Variants in PTPRD observed in about 807,000 individuals in gnomAD.
PTPRD encodes protein tyrosine phosphatase receptor type D, also known as receptor-type tyrosine-protein phosphatase delta.
Under a neutral mutation model 214.5 loss-of-function variants are expected in PTPRD, and 34 were observed. That is an observed-to-expected ratio of 0.16 (90% confidence interval 0.12 to 0.21). The LOEUF (loss-of-function observed/expected upper bound fraction) is 0.21. Among genes scored for constraint, PTPRD ranks in the 10% least tolerant of loss-of-function variants. The pLI is 1.00. For missense variants in PTPRD, 2,545 were observed against 2,398.7 expected (o/e 1.06, Z -1.27); for synonymous variants, 1,128 against 845.7 (o/e 1.33, Z -5.79).
intron 2 of PTPRD, among the ~76,000 whole-genome samples, chr9:10,451,526 A>G (rs1453699233): frequency 1.3e-5 from 2 of 151,584 alleles, no homozygotes; most frequent in Non-Finnish European, 2.9e-5. Flanking sequence ...TCTGGTGCAT[A>G]TCTTCAGACT....
intron 8 of PTPRD, among the ~76,000 whole-genome samples, chr9:9,489,607 C>G (rs2095814088): frequency 6.6e-6 from 1 of 151,856 alleles, no homozygotes; most frequent in Admixed American, 6.6e-5. Flanking sequence ...GAGCTGAAAA[C>G]TATAATAATG....
intron 3 of PTPRD, among the ~76,000 whole-genome samples, chr9:10,230,710 T>C (rs1231481177): frequency 6.6e-6 from 1 of 152,056 alleles, no homozygotes; most frequent in African/African-American, 2.4e-5. Flanking sequence ...TCTTTGCTTT[T>C]GCTTTTGAGT....
intron 14 of PTPRD, among the ~76,000 whole-genome samples, chr9:8,567,251 AT>A (rs528568781): frequency 1.8e-3 from 278 of 152,276 alleles, no homozygotes; most frequent in African/African-American, 6.3e-3. Flanking sequence ...CTTATTTTTC[AT>A]TCACTCTATT....
In PTPRD at chr9:8,417,388, T is replaced by C. The variant is rs536856473; in HGVS notation, c.4087-12728A>G. On this transcript the variant is annotated intron_variant, in intron 35 of 45. Transcript: ENST00000381196. ...TGCACATTCATTCCTTAGAACTGAATAGCCATAATGCAGCAAAGGGTAGAG... is the reference window on the plus strand; with the variant it reads ...TGCACATTCATTCCTTAGAACTGAACAGCCATAATGCAGCAAAGGGTAGAG... 2.4e-4 allele frequency among the ~76,000 whole-genome samples: 36 copies of C among 152,264 alleles called. No individual in the cohort carries two copies. In the East Asian group the frequency reaches 7.0e-3, roughly 29 times the overall value.
chr9:9,733,577 G>A (rs2098238095), intron 7 of PTPRD, among the ~76,000 whole-genome samples: 2 of 152,120 alleles, frequency 1.3e-5, no homozygotes, highest in African/African-American at 4.8e-5. Context: ...ATGAACAACA[G>A]CAAGGAGATA....
At chr9:8,582,246 C>A (rs146363530) in intron 14 of PTPRD, among the ~76,000 whole-genome samples, 12 of 152,078 alleles carry the variant, frequency 7.9e-5, no homozygotes, top group Non-Finnish European at 2.9e-5. Flanking sequence ...AAGATTAGAT[C>A]GCCACTTTAC....
chr9:10,260,043 C>T (rs2093591594), intron 3 of PTPRD, among the ~76,000 whole-genome samples: 1 of 152,196 alleles, frequency 6.6e-6, no homozygotes, highest in Admixed American at 6.5e-5. Flanking sequence ...GTGGTTGTAT[C>T]TGCAGGCCTC....
chr9:9,520,074 T>C (rs1477143336), intron 8 of PTPRD, among the ~76,000 whole-genome samples: 1 of 151,988 alleles, frequency 6.6e-6, no homozygotes, highest in Admixed American at 6.6e-5. Flanking sequence ...TTGGAACTTT[T>C]TTCAAGTGTT....
chr9:9,225,882 T>C (rs2099959145), intron 9 of PTPRD, among the ~76,000 whole-genome samples: 1 of 152,016 alleles, frequency 6.6e-6, no homozygotes, highest in Non-Finnish European at 1.5e-5. Flanking sequence ...ATGCATCTCA[T>C]TCAGACTTGC....
At chr9:9,113,814 T>C (rs2099809490) in intron 10 of PTPRD, among the ~76,000 whole-genome samples, 1 of 152,162 alleles carries the variant, frequency 6.6e-6, no homozygotes, top group African/African-American at 2.4e-5. Flanking sequence ...TTTGAAGAAT[T>C]CTGACCAAAA....
At chr9:8,696,502 A>G (rs1044523040) in intron 12 of PTPRD, among the ~76,000 whole-genome samples, 31 of 152,194 alleles carry the variant, frequency 2.0e-4, no homozygotes, top group Admixed American at 2.0e-3. Flanking sequence ...TATGAATTAG[A>G]TAAACTTGGT....
chr9:9,655,518 G>A (rs558519016), intron 7 of PTPRD, among the ~76,000 whole-genome samples: 6 of 151,612 alleles, frequency 4.0e-5, no homozygotes, highest in South Asian at 2.1e-4. Flanking sequence ...GCAGTGAGCC[G>A]AAATTGCATC....
At chr9:10,363,914 T>C (rs1332459681) in intron 2 of PTPRD, among the ~76,000 whole-genome samples, 1 of 151,586 alleles carries the variant, frequency 6.6e-6, no homozygotes, top group African/African-American at 2.4e-5. Flanking sequence ...ATTCTAAGTA[T>C]TATAGGAATT....
At chr9:9,631,433 T>A (rs2095591333) in intron 7 of PTPRD, among the ~76,000 whole-genome samples, 1 of 152,182 alleles carries the variant, frequency 6.6e-6, no homozygotes, top group Non-Finnish European at 1.5e-5. Context: ...AATGTTAAAT[T>A]TGACTCATTT....
chr9:10,239,197 A>G (rs967969207), intron 3 of PTPRD, among the ~76,000 whole-genome samples: 2 of 151,992 alleles, frequency 1.3e-5, no homozygotes, highest in Non-Finnish European at 2.9e-5. Context: ...CTTTAAATCA[A>G]TAGTTGTTTT....
intron 39 of PTPRD, among the ~76,000 whole-genome samples, chr9:8,371,735 G>A (rs2081589835): frequency 6.6e-6 from 1 of 151,988 alleles, no homozygotes; most frequent in Non-Finnish European, 1.5e-5. Flanking sequence ...TGCAACCTCT[G>A]CAATACAAAT....
At chr9:8,502,151 A>C (rs1276507829) in intron 23 of PTPRD, among the ~76,000 whole-genome samples, 1 of 152,172 alleles carries the variant, frequency 6.6e-6, no homozygotes, top group Non-Finnish European at 1.5e-5. Context: ...TTAACCAAGC[A>C]TTATGATTTT....
At chr9:8,967,872 T>C (rs992326622) in intron 11 of PTPRD, among the ~76,000 whole-genome samples, 3 of 152,050 alleles carry the variant, frequency 2.0e-5, no homozygotes, top group Admixed American at 2.0e-4. Flanking sequence ...CATTTAGCAT[T>C]AGGTATATCT....
intron 44 of PTPRD, among the ~76,000 whole-genome samples, chr9:8,321,221 G>C (rs1477645558): frequency 6.6e-6 from 1 of 151,640 alleles, no homozygotes; most frequent in African/African-American, 2.4e-5. Context: ...TTTGTTGAAT[G>C]ATCTAGGTAC....
Sources: gnomAD v4.1 joint callset for allele counts (sites outside exome capture counted in the v4.1 genomes callset) on GRCh38, gnomAD v4.1.1 for gene constraint, MANE v1.5 for transcripts, NCBI Gene and HGNC (gene_info 2026-07-23, HGNC 2026-07-21) for gene names.